Variants in KAZN observed in about 807,000 individuals in gnomAD.
KAZN encodes kazrin.
A neutral mutation model predicts 87.4 loss-of-function variants in KAZN; 40 were observed. The ratio of observed to expected loss-of-function variants is 0.46; its 90% CI spans 0.36 to 0.60. KAZN has a LOEUF of 0.60. Ranked by LOEUF, KAZN falls within the 20% of genes least tolerant of loss-of-function variation. The pLI is 0.00. For synonymous variants in KAZN, 466 were observed against 458.3 expected, an observed-to-expected ratio of 1.02 and a Z score of -0.22; for missense variants, 898 against 1,073.9, an observed-to-expected ratio of 0.84 and a Z score of 2.29.
At chr1:13,895,159 A>G (rs1364386954) in intron 1 of KAZN, among the ~76,000 whole-genome samples, 1 of 152,160 alleles carries the variant, frequency 6.6e-6, no homozygotes, top group South Asian at 2.1e-4. Flanking sequence ...GTAGTAGACA[A>G]TGGAAGCATT....
intron 1 of KAZN, among the ~76,000 whole-genome samples, chr1:14,691,659 A>G (rs968344639): frequency 1.3e-5 from 2 of 151,816 alleles, no homozygotes; most frequent in African/African-American, 4.8e-5. Context: ...GCTACTTTTT[A>G]TATTTTTAGT....
intron 1 of KAZN, among the ~76,000 whole-genome samples, chr1:14,619,137 A>T (rs1271125350): frequency 6.6e-6 from 1 of 152,140 alleles, no homozygotes; most frequent in Non-Finnish European, 1.5e-5. Context: ...GAAGGTTCTG[A>T]TAAACTAAGA....
chr1:14,393,006 T>C (rs1400643522), intron 2 of KAZN, among the ~76,000 whole-genome samples: 1 of 152,140 alleles, frequency 6.6e-6, no homozygotes. Context: ...AAATGTGAAG[T>C]CAAGCGCAAG....
At chr1:14,021,196 A>G (rs563699787) in intron 1 of KAZN, among the ~76,000 whole-genome samples, 1 of 151,976 alleles carries the variant, frequency 6.6e-6, no homozygotes, top group South Asian at 2.1e-4. Flanking sequence ...CCAGCACACC[A>G]CTCCCCAATT....
At chr1:14,760,657 T>C (rs959518001) in intron 1 of KAZN, among the ~76,000 whole-genome samples, 1 of 152,142 alleles carries the variant, frequency 6.6e-6, no homozygotes, top group African/African-American at 2.4e-5. Context: ...TGATTGCACA[T>C]AGATATAAAA....
intron 1 of KAZN, among the ~76,000 whole-genome samples, chr1:14,078,748 G>C (rs1371927904): frequency 6.6e-6 from 1 of 152,080 alleles, no homozygotes; most frequent in South Asian, 2.1e-4. Context: ...GCAGTGGTGC[G>C]ATCTCAGCTC....
intron 2 of KAZN, among the ~76,000 whole-genome samples, chr1:14,456,200 A>C (rs1015681027): frequency 2.6e-5 from 4 of 152,206 alleles, no homozygotes; most frequent in African/African-American, 9.6e-5. Context: ...AGCTTAAAAC[A>C]ACAAGCAAGT....
intron 1 of KAZN, among the ~76,000 whole-genome samples, chr1:13,932,637 T>TGAGGAAATA (rs1170293642): frequency 6.6e-6 from 1 of 152,150 alleles, no homozygotes; most frequent in African/African-American, 2.4e-5. Flanking sequence ...ATTTTATAGA[T>TGAGGAAATA]GAGGAAATAG....
chr1:13,920,191 A>G (rs1360117489), intron 1 of KAZN, among the ~76,000 whole-genome samples: 1 of 146,418 alleles, frequency 6.8e-6, no homozygotes, highest in Non-Finnish European at 1.5e-5. Context: ...CGGAGGTTGC[A>G]GTGAGCTGAG....
At chr1:13,957,278 T>A (rs1641584060) in intron 1 of KAZN, among the ~76,000 whole-genome samples, 1 of 152,192 alleles carries the variant, frequency 6.6e-6, no homozygotes, top group Non-Finnish European at 1.5e-5. Context: ...ATATGCAGAC[T>A]CTAAGGCCAG....
rs547471980 is a variant in KAZN, at chr1:14,526,489, A to G, written c.250-72494A>G. ...TCCCCATCCATCTGCATCATCAGTAATATTTTAGTAGCCACGTAAGCTACA... is the reference window on the plus strand; with the variant it reads ...TCCCCATCCATCTGCATCATCAGTAGTATTTTAGTAGCCACGTAAGCTACA... On this transcript the variant is annotated intron_variant, in intron 2 of 16. Coordinates refer to the KAZN transcript ENST00000636203. Among the ~76,000 whole-genome samples, 9 of 152,366 alleles carry G rather than the reference A, an allele frequency of 5.9e-5. No homozygotes were observed. In the South Asian group the frequency reaches 1.7e-3, roughly 28 times the overall value.
At chr1:14,471,257 A>T (rs2480058) in intron 2 of KAZN, among the ~76,000 whole-genome samples, 60,292 of 151,664 alleles carry the variant, frequency 0.4, 12,330 homozygotes, top group East Asian at 0.59. Flanking sequence ...ATTCTTGATT[A>T]AGGATTTGCC....
chr1:14,540,669 A>T (rs1672756304), intron 2 of KAZN, among the ~76,000 whole-genome samples: 3 of 152,176 alleles, frequency 2.0e-5, no homozygotes, highest in Non-Finnish European at 4.4e-5. Flanking sequence ...CAAGTAAGCC[A>T]AGTCTGTGGT....
At chr1:14,681,636 T>TTTTTTTTTTTTTTTTTTTTG (rs1640618949) in intron 1 of KAZN, among the ~76,000 whole-genome samples, 1 of 12,084 alleles carries the variant, frequency 8.3e-5, no homozygotes, top group Non-Finnish European at 1.9e-4. Flanking sequence ...TATATATATA[T>TTTTTTTTTTTTTTTTTTTTG]ATATATATAT....
intron 8 of KAZN, among the ~76,000 whole-genome samples, chr1:15,079,940 T>G (rs531003329): frequency 5.9e-5 from 9 of 152,248 alleles, no homozygotes; most frequent in Non-Finnish European, 1.3e-4. Context: ...TGTCATTGGA[T>G]AACTATGTGT....
chr1:14,915,830 G>T (rs1037933886), intron 1 of KAZN, among the ~76,000 whole-genome samples: 1 of 152,098 alleles, frequency 6.6e-6, no homozygotes, highest in Non-Finnish European at 1.5e-5. Context: ...TGAATGAGCC[G>T]GAAAGCACAG....
intron 1 of KAZN, among the ~76,000 whole-genome samples, chr1:14,686,748 T>C (rs1640977420): frequency 6.6e-6 from 1 of 152,208 alleles, no homozygotes; most frequent in African/African-American, 2.4e-5. Context: ...CCTCTGGGAC[T>C]ACGACAGCCA....
At chr1:15,018,980 G>A (rs72869604) in intron 2 of KAZN, among the ~76,000 whole-genome samples, 1,710 of 152,318 alleles carry the variant, frequency 0.011, 31 homozygotes, top group African/African-American at 0.039. Context: ...GAAGTTGCTG[G>A]ATGTCCTGAA....
intron 2 of KAZN, among the ~76,000 whole-genome samples, chr1:14,497,334 CTAAAA>C (rs1317525935): frequency 2.0e-4 from 4 of 20,480 alleles, no homozygotes; most frequent in East Asian, 1.2e-3. Flanking sequence ...AATTCTGTTA[CTAAAA>C]AAAAAAAAAA....
Sources: gnomAD v4.1 joint callset for allele counts (sites outside exome capture counted in the v4.1 genomes callset) on GRCh38, gnomAD v4.1.1 for gene constraint, MANE v1.5 for transcripts, NCBI Gene and HGNC (gene_info 2026-07-23, HGNC 2026-07-21) for gene names.